The following SUCLA2 variants were observed in gnomAD, a reference collection of about 807,000 sequenced individuals.
The protein encoded by SUCLA2 is succinate-CoA ligase ADP-forming subunit beta.
In SUCLA2, 30 loss-of-function variants were observed where a neutral mutation model predicts 54.8. The ratio of observed to expected loss-of-function variants is 0.55; its 90% confidence interval spans 0.41 to 0.74. SUCLA2 has a LOEUF of 0.74. SUCLA2 is among the 30% of genes least tolerant of loss of function. The probability of loss-of-function intolerance (pLI) is 0.00; values close to 1 mark genes in which losing one functional copy is unlikely to be tolerated. For missense variants in SUCLA2, 476 were observed against 562.9 expected (o/e 0.85, Z 1.56); for synonymous variants, 172 against 188.9 (o/e 0.91, Z 0.74).
At chr13:47,975,017 A>G (rs1949999101) in intron 4 of SUCLA2, among the ~76,000 whole-genome samples, 1 of 152,178 alleles carries the variant, frequency 6.6e-6, no homozygotes, top group African/African-American at 2.4e-5. Context: ...ATAAAACATT[A>G]AAAGACTTTT....
At chr13:47,957,364 C>T (rs181668934) in intron 6 of SUCLA2, among the ~76,000 whole-genome samples, 4 of 152,104 alleles carry the variant, frequency 2.6e-5, no homozygotes, top group Admixed American at 1.3e-4. Context: ...CTAGTGATTC[C>T]GTAACAGATT....
intron 8 of SUCLA2, among the ~76,000 whole-genome samples, chr13:47,953,716 C>T (rs1363051342): frequency 4.6e-5 from 7 of 152,038 alleles, no homozygotes; most frequent in Non-Finnish European, 8.8e-5. Context: ...GAAGAATTCT[C>T]GGTTTAAATC....
At chr13:47,957,002 ATTTGT>A (rs1335553474) in intron 6 of SUCLA2, 1 of 152,170 alleles carries the variant, frequency 6.6e-6, no homozygotes, top group Non-Finnish European at 1.5e-5. Flanking sequence ...TGAAGCTTAC[ATTTGT>A]TTTATCTCAG....
chr13:47,978,195 C>G (rs1950033187), intron 4 of SUCLA2, among the ~76,000 whole-genome samples: 2 of 152,024 alleles, frequency 1.3e-5, no homozygotes, highest in Admixed American at 1.3e-4. Context: ...CAAAAAAGAG[C>G]CCATAAAGCC....
At chr13:47,992,388 C>CAAAAAAAAAAAA (rs35103136) in intron 2 of SUCLA2, among the ~76,000 whole-genome samples, 4 of 93,068 alleles carry the variant, frequency 4.3e-5, no homozygotes, top group African/African-American at 8.4e-5. Flanking sequence ...ACAACGAAAG[C>CAAAAAAAAAAAA]AAAAAAAAAA....
intron 6 of SUCLA2, among the ~76,000 whole-genome samples, chr13:47,964,091 G>C (rs1357755505): frequency 6.6e-6 from 1 of 152,070 alleles, no homozygotes; most frequent in South Asian, 2.1e-4. Context: ...GTAAACGGTT[G>C]AATGAAATCA....
intron 4 of SUCLA2, among the ~76,000 whole-genome samples, chr13:47,974,449 T>C (rs1454021079): frequency 1.3e-5 from 2 of 152,096 alleles, no homozygotes; most frequent in African/African-American, 2.4e-5. Context: ...TAGCCAGGCA[T>C]GGTGGCATGC....
rs1379158207 is a variant in SUCLA2 at position 47,954,036 on chromosome 13, CAT to C, written c.1107+102_1107+103del. 2.5e-5 allele frequency: 26 copies of C among 1,037,950 alleles called. 1 individual carries two copies. The highest frequency in any genetic ancestry group is 3.5e-4 in the Middle Eastern group (1 of 2,820). 64.3% of individuals were successfully genotyped at this position (1,037,950 alleles called of 1,614,324 possible). A position where few individuals can be genotyped will look rare whatever the true frequency, so the allele number is the denominator to read the frequency against. On this transcript the variant is annotated intron_variant, in intron 8 of 10. Coordinates refer to ENST00000646932, the MANE Select transcript of SUCLA2 (RefSeq NM_003850.3). ...AAGACTCAAAATATATATTAAAAGACATATATATGAATTCTAAATTCTAAAAC... is the reference window on the plus strand; with the variant it reads ...AAGACTCAAAATATATATTAAAAGACATATATGAATTCTAAATTCTAAAAC...
chr13:47,981,075 GA>G lies in SUCLA2; in HGVS notation c.534+7465del, dbSNP rs1268626468. Among the ~76,000 whole-genome samples the G allele has an allele frequency of 1.2e-4, 19 of 152,010 alleles. No individual in the cohort carries two copies. In the South Asian group the frequency reaches 3.7e-3, roughly 30 times the overall value. On this transcript the variant is annotated intron_variant, in intron 4 of 10. Transcript: ENST00000646932. ...AAACATGATACCAAAGGCACAGGCA[GA>G]AAAAAAGCAAAAATTGACAAATGGA...
chr13:47,985,492 G>T (rs1473995638), intron 4 of SUCLA2, among the ~76,000 whole-genome samples: 1 of 151,988 alleles, frequency 6.6e-6, no homozygotes. Context: ...ACGGTGTTTG[G>T]TTTTCTGCTC....
chr13:47,947,060 G>A lies in SUCLA2; in HGVS notation c.1317+1880C>T, dbSNP rs117264240. ...CCATTCAAGTTCTGACTCAAGAAAC[G>A]TAAAGATGAGCCTGAAACATTTTAT... On this transcript the variant is annotated intron_variant, in intron 10 of 10. Transcript: ENST00000646932. 2.6e-4 allele frequency among the ~76,000 whole-genome samples: 40 copies of A among 152,224 alleles called. No homozygotes were observed. In the East Asian group the frequency reaches 6.4e-3, roughly 24 times the overall value.
intron 6 of SUCLA2, among the ~76,000 whole-genome samples, chr13:47,966,975 G>T (rs981394791): frequency 6.6e-6 from 1 of 152,136 alleles, no homozygotes; most frequent in Admixed American, 6.5e-5. Flanking sequence ...AGCTGTGATT[G>T]TGTCAGCGTA....
intron 10 of SUCLA2, among the ~76,000 whole-genome samples, chr13:47,947,274 TACACACAC>T (rs34458960): frequency 2.1e-3 from 304 of 144,936 alleles, no homozygotes; most frequent in Non-Finnish European, 3.2e-3. Context: ...ACACGCACAA[TACACACAC>T]ACACACACAC....
At chr13:47,967,013 G>A (rs143717044) in intron 6 of SUCLA2, among the ~76,000 whole-genome samples, 29 of 152,028 alleles carry the variant, frequency 1.9e-4, no homozygotes, top group Non-Finnish European at 3.7e-4. Flanking sequence ...AAGCAAGACC[G>A]TGTCTCAAAA....
chr13:47,962,960 ACGTATTCATCATGACTG>A (rs1397763024), intron 6 of SUCLA2, among the ~76,000 whole-genome samples: 75 of 152,096 alleles, frequency 4.9e-4, no homozygotes, highest in African/African-American at 1.8e-3. Context: ...GACTCTTACC[ACGTATTCATCATGACTG>A]CTTCCTTGCC....
At chr13:47,961,278 T>A (rs1167609470) in intron 6 of SUCLA2, among the ~76,000 whole-genome samples, 1 of 152,002 alleles carries the variant, frequency 6.6e-6, no homozygotes, top group Non-Finnish European at 1.5e-5. Flanking sequence ...AAAGAGAAAA[T>A]GGAGTGGGGG....
At chr13:47,973,476 C>T (rs1400105053) in intron 4 of SUCLA2, 84 bp from the exon 5 acceptor site, 5 of 1,468,088 alleles carry the variant, frequency 3.4e-6, no homozygotes, top group Non-Finnish European at 4.7e-6. Flanking sequence ...TGCATAATAT[C>T]AGATGTAAGC....
At chr13:47,953,121 CT>C (rs1254347187) in intron 8 of SUCLA2, among the ~76,000 whole-genome samples, 5 of 152,168 alleles carry the variant, frequency 3.3e-5, no homozygotes, top group Non-Finnish European at 7.4e-5. Context: ...TATATGGCCA[CT>C]TCAATGCTAT....
intron 1 of SUCLA2, 42 bp from the exon 2 acceptor site, chr13:47,997,065 G>A: frequency 1.2e-6 from 2 of 1,607,940 alleles, no homozygotes; most frequent in African/African-American, 1.3e-5. Flanking sequence ...CAGTGATTTG[G>A]CAGTCACTCT....
Sources: gnomAD v4.1 joint callset for allele counts (sites outside exome capture counted in the v4.1 genomes callset) on GRCh38, gnomAD v4.1.1 for gene constraint, MANE v1.5 for transcripts, NCBI Gene and HGNC (gene_info 2026-07-23, HGNC 2026-07-21) for gene names.